NDUFAF4: variants seen among roughly 807,000 people sequenced by gnomAD.
NDUFAF4 encodes NADH:ubiquinone oxidoreductase complex assembly factor 4, also known as NADH dehydrogenase [ubiquinone] 1 alpha subcomplex assembly factor 4.
A neutral mutation model predicts 15.6 loss-of-function variants in NDUFAF4; 10 were observed. That is an observed-to-expected ratio of 0.64 (90% CI 0.40 to 1.09). The LOEUF is 1.09. Ranked by LOEUF, NDUFAF4 falls within the 50% of genes least tolerant of loss-of-function variation. NDUFAF4 has a pLI of 0.01. For missense variants in NDUFAF4, 203 were observed against 207.3 expected, an observed-to-expected ratio of 0.98 and a Z score of 0.13; for synonymous variants, 77 against 73.3, an observed-to-expected ratio of 1.05 and a Z score of -0.26.
rs1775310857 is a variant in NDUFAF4 at position 96,891,219 on chromosome 6, A to G, written c.413T>C (p.Ile138Thr). Residue 138 changes from isoleucine (I) to threonine (T), a missense_variant, in exon 3 of 3, where the codon ATA becomes ACA. Coordinates refer to ENST00000316149, the MANE Select transcript of NDUFAF4 (RefSeq NM_014165.4). ...LFPETWTAEK[I>T]MQEYQLEQKD... is the part of the protein sequence containing the mutation. ...CTGTTCTAACTGGTATTCCTGCATT[A>G]TTTTCTCAGCAGTCCAGGTTTCTGG... 1.2e-6 allele frequency: 2 copies of G among 1,613,412 alleles called. No individual in the cohort carries two copies. The highest frequency in any genetic ancestry group is 1.7e-6 in the Non-Finnish European group (2 of 1,179,564).
Position 96,891,223 on chromosome 6 carries a change from T to C in NDUFAF4, c.409A>G (p.Lys137Glu). Residue 137 changes from lysine (K) to glutamate (E), a missense_variant, in exon 3 of 3, where the codon AAA becomes GAA. Transcript: ENST00000316149. ...KLFPETWTAEKIMQEYQLEQK... is the reference protein window; with the variant it reads ...KLFPETWTAEEIMQEYQLEQK... The stretch of plus-strand genomic sequence containing the variant: ...TCTAACTGGTATTCCTGCATTATTT[T>C]CTCAGCAGTCCAGGTTTCTGGGAAA... 6.2e-7 allele frequency: 1 copy of C among 1,613,672 alleles called. No homozygotes were observed.
Position 96,896,777 on chromosome 6 carries a change from A to G in NDUFAF4, c.207T>C (p.Tyr69=), listed in dbSNP as rs749791045. The change falls in exon 2 of 3, where the codon TAT becomes TAC. Residue 69 remains tyrosine, a synonymous_variant. Coordinates refer to ENST00000316149, the MANE Select transcript of NDUFAF4 (RefSeq NM_014165.4). ...EKLLSFLKDV[Y]VDSKDPVSSL... is the part of the protein sequence containing the mutation. ...AAGACACAGGATCTTTGGAATCAAC[A>G]TACACATCTTTTAGAAACGACAGCA... is the stretch of plus-strand genomic sequence containing the variant. The G allele has an allele frequency of 6.2e-7, 1 of 1,613,442 alleles. No individual in the cohort carries two copies. The highest frequency in any genetic ancestry group is 1.1e-5 in the South Asian group (1 of 91,074).
At chr6:96,896,349 C>T (rs1543642) in intron 2 of NDUFAF4, among the ~76,000 whole-genome samples, 151,423 of 152,276 alleles carry the variant, frequency 0.99, 75,295 homozygotes, top group Middle Eastern at 1. Flanking sequence ...CCAACAACAC[C>T]ACTTACTAAA....
At chr6:96,891,703 G>T (rs1401696878) in intron 2 of NDUFAF4, among the ~76,000 whole-genome samples, 2 of 151,744 alleles carry the variant, frequency 1.3e-5, no homozygotes, top group Admixed American at 1.3e-4. Flanking sequence ...GGCAATATAA[G>T]CCGTGCCTGC....
intron 2 of NDUFAF4, among the ~76,000 whole-genome samples, chr6:96,893,420 C>G (rs1319894519): frequency 6.6e-6 from 1 of 152,140 alleles, no homozygotes; most frequent in Admixed American, 6.5e-5. Flanking sequence ...CCCTATCACT[C>G]TCCATCCCAA....
At chr6:96,896,622 G>T (rs1209934949) in intron 2 of NDUFAF4, 122 bp downstream of exon 2, 3 of 812,694 alleles carry the variant, frequency 3.7e-6, no homozygotes, top group African/African-American at 1.7e-5. Context: ...TTGCCAAGGC[G>T]TGTAGATTGA....
At chr6:96,893,160 C>T (rs775598550) in intron 2 of NDUFAF4, among the ~76,000 whole-genome samples, 1 of 152,134 alleles carries the variant, frequency 6.6e-6, no homozygotes, top group Non-Finnish European at 1.5e-5. Context: ...TCATATGTCT[C>T]TCTCAAACTC....
chr6:96,890,754 T>G lies in NDUFAF4; in HGVS notation c.*350A>C, dbSNP rs41288598. 10,197 of 211,118 alleles carry G rather than the reference T, an allele frequency of 0.048. 296 individuals are homozygous for G. Among genetic ancestry groups the G allele is most frequent in the Middle Eastern group, 0.09 (45 of 500 alleles). The allele number at this position is 211,118 out of a possible 1,614,324, so 13.1% of individuals were successfully genotyped here. ...TGAACTAAACACCTAACTTGGAAAG[T>G]AAAACTCAGTTGAGGGATTCAGGAC... is the stretch of plus-strand genomic sequence containing the variant. On this transcript the variant is annotated 3_prime_UTR_variant, in exon 3 of 3. Coordinates refer to ENST00000316149, the MANE Select transcript of NDUFAF4 (RefSeq NM_014165.4).
chr6:96,897,078 C>A (rs1775387758), intron 1 of NDUFAF4, among the ~76,000 whole-genome samples: 1 of 152,060 alleles, frequency 6.6e-6, no homozygotes, highest in African/African-American at 2.4e-5. Context: ...AGGCGCGCCA[C>A]CACGCCCGGC....
chr6:96,889,477 TAC>T lies in NDUFAF4; in HGVS notation c.*1625_*1626del, dbSNP rs566701773. 4.0e-4 allele frequency: 61 copies of T among 152,368 alleles called. No individual in the cohort carries two copies. Among genetic ancestry groups the T allele is most frequent in the East Asian group, 1.5e-3 (8 of 5,194 alleles). The allele number at this position is 152,368 out of a possible 1,614,324, so 9.4% of individuals were successfully genotyped here. On this transcript the variant is annotated 3_prime_UTR_variant, in exon 3 of 3. Coordinates refer to ENST00000316149, the MANE Select transcript of NDUFAF4 (RefSeq NM_014165.4). ...AAAAAGAATAAAGTTTTGACTTATT[TAC>T]AGTTTTAAAATGCATTTTATATTGA...
At chr6:96,893,199 A>G (rs368741361) in intron 2 of NDUFAF4, among the ~76,000 whole-genome samples, 8 of 151,828 alleles carry the variant, frequency 5.3e-5, no homozygotes, top group African/African-American at 1.7e-4. Flanking sequence ...CTACTAAATC[A>G]CCCTAGTCCA....
In NDUFAF4 at chr6:96,897,826, G is replaced by A. The variant is rs370052081; in HGVS notation, c.-25C>T. 1.1e-4 allele frequency: 185 copies of A among 1,613,800 alleles called. No individual in the cohort carries two copies. The highest frequency in any genetic ancestry group is 2.6e-5 in the Non-Finnish European group (31 of 1,179,884). ...TCTCCTCATAACATTATGCGCTCAG[G>A]TTCAGGCCGCACGTGGGAACACCGG... On this transcript the variant is annotated 5_prime_UTR_variant, in exon 1 of 3. Transcript: ENST00000316149.
Position 96,897,882 on chromosome 6 carries a change from G to A in NDUFAF4, c.-81C>T. 6.2e-7 allele frequency: 1 copy of A among 1,602,260 alleles called. No individual in the cohort carries two copies. Among genetic ancestry groups the A allele is most frequent in the South Asian group, 1.1e-5 (1 of 90,664 alleles). On this transcript the variant is annotated 5_prime_UTR_variant, in exon 1 of 3. Transcript: ENST00000316149. Reference sequence around the variant, plus strand: ...GACAACTCCGGGACACCCGGAGCATGCGCACAAGTGAGGGGAAGCCCCGCC... The same window carrying A: ...GACAACTCCGGGACACCCGGAGCATACGCACAAGTGAGGGGAAGCCCCGCC...
At chr6:96,895,615 T>C (rs1478849384) in intron 2 of NDUFAF4, among the ~76,000 whole-genome samples, 1 of 152,194 alleles carries the variant, frequency 6.6e-6, no homozygotes, top group Non-Finnish European at 1.5e-5. Flanking sequence ...GAGTGAATTT[T>C]CAGATGCATA....
intron 2 of NDUFAF4, among the ~76,000 whole-genome samples, chr6:96,895,469 T>C (rs1359021677): frequency 6.6e-6 from 1 of 152,200 alleles, no homozygotes; most frequent in African/African-American, 2.4e-5. Flanking sequence ...GTTTTCATTA[T>C]CACTCTCCCT....
intron 2 of NDUFAF4, among the ~76,000 whole-genome samples, chr6:96,892,531 G>T (rs183257043): frequency 6.6e-6 from 1 of 152,214 alleles, no homozygotes; most frequent in East Asian, 1.9e-4. Flanking sequence ...TTCAGGTAAT[G>T]TTTAAAAGAA....
intron 2 of NDUFAF4, among the ~76,000 whole-genome samples, chr6:96,892,932 C>T (rs1775332664): frequency 6.6e-6 from 1 of 152,090 alleles, no homozygotes; most frequent in Non-Finnish European, 1.5e-5. Flanking sequence ...TCTTGATTTC[C>T]CAACCCAAAT....
In NDUFAF4 at chr6:96,896,765, T is replaced by C; in HGVS notation, c.219A>G (p.Lys73=). ...TTACCTGCAAGGAAGACACAGGATC[T>C]TTGGAATCAACATACACATCTTTTA... ...SFLKDVYVDS[K]DPVSSLQVKA... Residue 73 remains lysine (K), a synonymous_variant, in exon 2 of 3, where the codon AAA becomes AAG. Transcript: ENST00000316149. The C allele has an allele frequency of 6.2e-7, 1 of 1,612,676 alleles. No individual in the cohort carries two copies. Among genetic ancestry groups the C allele is most frequent in the Non-Finnish European group, 8.5e-7 (1 of 1,179,394 alleles).
rs144071192 is a variant in NDUFAF4 at position 96,896,487 on chromosome 6, A to G, written c.240+257T>C. Among the ~76,000 whole-genome samples the G allele has an allele frequency of 2.8e-4, 43 of 152,364 alleles. No homozygotes were observed. In the East Asian group the frequency reaches 7.9e-3, roughly 28 times the overall value. On this transcript the variant is annotated intron_variant, in intron 2 of 2. Transcript: ENST00000316149. ...CTTACCAAATCCTACAAATTCTGAA[A>G]TACTATGAAATAATTCACACAGTTG...
Sources: allele counts gnomAD v4.1 joint callset (sites outside exome capture counted in the v4.1 genomes callset), GRCh38; gene constraint gnomAD v4.1.1; transcripts MANE v1.5; gene names NCBI Gene and HGNC (gene_info 2026-07-23, HGNC 2026-07-21).